CDH13: variants seen among roughly 807,000 people sequenced by gnomAD.
CDH13 encodes the protein cadherin 13.
CDH13 carries 24 observed loss-of-function variants against 63.8 expected under a neutral mutation model. That is an observed-to-expected ratio of 0.38 (90% CI 0.27 to 0.53). The LOEUF is 0.53. Among genes scored for constraint, CDH13 ranks in the 20% least tolerant of loss-of-function variants. The pLI is 0.85. For synonymous variants in CDH13, 503 were observed against 355.3 expected (o/e 1.42, Z -4.67); for missense variants, 1,049 against 903.1 (o/e 1.16, Z -2.07).
At chr16:83,741,803 G>A (rs997538305) in intron 10 of CDH13, among the ~76,000 whole-genome samples, 6 of 144,632 alleles carry the variant, frequency 4.1e-5, no homozygotes, top group Non-Finnish European at 8.8e-5. Flanking sequence ...CCAACCCCTG[G>A]GCCACGGACG....
intron 2 of CDH13, among the ~76,000 whole-genome samples, chr16:82,920,127 T>G (rs2042108860): frequency 6.6e-6 from 1 of 152,136 alleles, no homozygotes; most frequent in Non-Finnish European, 1.5e-5. Flanking sequence ...AGTCCATGAA[T>G]AGGGCTGGCT....
chr16:83,043,931 A>G (rs4783309), intron 3 of CDH13, among the ~76,000 whole-genome samples: 29,016 of 152,178 alleles, frequency 0.19, 3,194 homozygotes, highest in East Asian at 0.28. Context: ...TTTTATGCTT[A>G]AGGCACATCT....
chr16:83,321,418 A>T (rs746124105), intron 5 of CDH13, among the ~76,000 whole-genome samples: 1 of 151,730 alleles, frequency 6.6e-6, no homozygotes, highest in Non-Finnish European at 1.5e-5. Context: ...CGCGGCCTCT[A>T]TGTTAACTAC....
chr16:83,289,051 C>T (rs1191859555), intron 5 of CDH13, among the ~76,000 whole-genome samples: 1 of 152,208 alleles, frequency 6.6e-6, no homozygotes, highest in East Asian at 1.9e-4. Context: ...GAAACTCCTA[C>T]ATTCACCAAG....
chr16:83,397,375 G>C (rs939812835), intron 6 of CDH13: 1 of 152,186 alleles, frequency 6.6e-6, no homozygotes, highest in African/African-American at 2.4e-5. Flanking sequence ...TTTCTCTGAA[G>C]ATACCCTCAG....
chr16:82,908,093 C>G (rs925682863), intron 2 of CDH13, among the ~76,000 whole-genome samples: 2 of 151,940 alleles, frequency 1.3e-5, no homozygotes, highest in African/African-American at 2.4e-5. Flanking sequence ...TATTGGACCA[C>G]ACTATCCTTA....
At position 83,216,429 on chromosome 16, in the gene CDH13, T is replaced by TATATATATATAA. The variant is rs1555513907; in HGVS notation, c.484-905_484-904insAATATATATATA. On this transcript the variant is annotated intron_variant, in intron 4 of 13. Coordinates refer to ENST00000567109, the MANE Select transcript of CDH13 (RefSeq NM_001257.5). ...ATATATATATATATATATATATATA[T>TATATATATATAA]ATATATATATATATACACAACCCTA... is the stretch of plus-strand genomic sequence containing the variant. 1.0e-3 allele frequency among the ~76,000 whole-genome samples: 106 copies of TATATATATATAA among 105,696 alleles called. 10 individuals carry two copies. Among genetic ancestry groups the TATATATATATAA allele is most frequent in the Non-Finnish European group, 1.6e-3 (81 of 49,254 alleles). The allele number at this position is 105,696 out of a possible 152,430, so 69.3% of individuals were successfully genotyped here. A position where few individuals can be genotyped will look rare whatever the true frequency, so the allele number is the denominator to read the frequency against.
intron 4 of CDH13, among the ~76,000 whole-genome samples, chr16:83,203,247 CCAAA>C (rs936801630): frequency 1.8e-4 from 27 of 151,988 alleles, no homozygotes; most frequent in African/African-American, 6.3e-4. Context: ...AACAAAAACA[CCAAA>C]CAAACAAATT....
At chr16:83,010,222 C>T (rs1368231028) in intron 2 of CDH13, among the ~76,000 whole-genome samples, 2 of 150,270 alleles carry the variant, frequency 1.3e-5, no homozygotes, top group East Asian at 3.9e-4. Flanking sequence ...TAAGGCTGCT[C>T]ATGCTGCTGA....
intron 1 of CDH13, among the ~76,000 whole-genome samples, chr16:82,734,758 T>C (rs1319396723): frequency 1.3e-5 from 2 of 152,176 alleles, no homozygotes; most frequent in Admixed American, 1.3e-4. Context: ...CAGACAGGCC[T>C]TTATACTCCA....
chr16:83,652,417 G>T (rs1476090842), intron 8 of CDH13, among the ~76,000 whole-genome samples: 1 of 152,122 alleles, frequency 6.6e-6, no homozygotes, highest in Admixed American at 6.5e-5. Context: ...AGTTAGAGAC[G>T]GCTGTGAGTG....
intron 5 of CDH13, among the ~76,000 whole-genome samples, chr16:83,339,592 T>C (rs2090677368): frequency 6.6e-6 from 1 of 152,166 alleles, no homozygotes; most frequent in African/African-American, 2.4e-5. Flanking sequence ...GTGCATGCTC[T>C]GCTCAGGGCC....
At chr16:83,227,997 G>C (rs978701724) in intron 5 of CDH13, among the ~76,000 whole-genome samples, 1 of 152,162 alleles carries the variant, frequency 6.6e-6, no homozygotes, top group Non-Finnish European at 1.5e-5. Flanking sequence ...GCTGGGAATA[G>C]ACACGGAGCC....
intron 8 of CDH13, among the ~76,000 whole-genome samples, chr16:83,669,082 C>T (rs1452743134): frequency 6.6e-6 from 1 of 152,156 alleles, no homozygotes; most frequent in African/African-American, 2.4e-5. Context: ...ACCCCAGAGC[C>T]TGGGGAATCT....
chr16:83,465,423 G>C (rs1326445204), intron 6 of CDH13, among the ~76,000 whole-genome samples: 1 of 152,178 alleles, frequency 6.6e-6, no homozygotes, highest in African/African-American at 2.4e-5. Flanking sequence ...TAGCTCTTTT[G>C]AAGCACTCTG....
rs145708130 is a variant in CDH13, at chr16:83,358,095, C to A, written c.781+13089C>A. On this transcript the variant is annotated intron_variant, in intron 6 of 13. Coordinates refer to ENST00000567109, the MANE Select transcript of CDH13 (RefSeq NM_001257.5). ...AGAAGCATTTTCCTCAAAATCCATTCTGCTGTCCTTTAGTAACAGACCTCA... is the reference window on the plus strand; with the variant it reads ...AGAAGCATTTTCCTCAAAATCCATTATGCTGTCCTTTAGTAACAGACCTCA... Among the ~76,000 whole-genome samples the A allele has an allele frequency of 1.6e-4, 25 of 152,328 alleles. No homozygotes were observed. The East Asian group carries it at 4.8e-3, about 29-fold the overall frequency.
intron 5 of CDH13, among the ~76,000 whole-genome samples, chr16:83,233,832 G>A (rs1483894849): frequency 6.6e-6 from 1 of 152,098 alleles, no homozygotes; most frequent in Non-Finnish European, 1.5e-5. Flanking sequence ...CATAGTCAAA[G>A]TTTCCAGACA....
chr16:82,954,904 G>T (rs947697966), intron 2 of CDH13, among the ~76,000 whole-genome samples: 2 of 152,112 alleles, frequency 1.3e-5, no homozygotes, highest in African/African-American at 4.8e-5. Context: ...TTTTGTGCCT[G>T]CCTTCTTTCA....
chr16:83,509,447 T>C (rs571545690), intron 7 of CDH13, among the ~76,000 whole-genome samples: 1 of 152,214 alleles, frequency 6.6e-6, no homozygotes, highest in South Asian at 2.1e-4. Flanking sequence ...GCAGCTTTAC[T>C]TTTTTGTAGC....
Sources: gnomAD v4.1 joint callset for allele counts (sites outside exome capture counted in the v4.1 genomes callset) on GRCh38, gnomAD v4.1.1 for gene constraint, MANE v1.5 for transcripts, NCBI Gene and HGNC (gene_info 2026-07-23, HGNC 2026-07-21) for gene names.